PLPPR5: variants seen among roughly 807,000 people sequenced by gnomAD.
PLPPR5 encodes the protein phospholipid phosphatase related 5, also known as phospholipid phosphatase-related protein type 5.
In PLPPR5, 16 loss-of-function variants were observed where a neutral mutation model predicts 33.9. The ratio of observed to expected loss-of-function variants is 0.47; its 90% CI spans 0.32 to 0.72. The LOEUF (loss-of-function observed/expected upper bound fraction) is 0.72, where lower values mean the gene tolerates loss of function less well. Among genes scored for constraint, PLPPR5 ranks in the 30% least tolerant of loss-of-function variants. The pLI is 0.03. For missense variants in PLPPR5, 301 were observed against 406.7 expected, an observed-to-expected ratio of 0.74 and a Z score of 2.23; for synonymous variants, 163 against 150.3, an observed-to-expected ratio of 1.08 and a Z score of -0.62.
intron 1 of PLPPR5, among the ~76,000 whole-genome samples, chr1:98,988,946 C>T (rs1374024037): frequency 1.3e-5 from 2 of 152,122 alleles, no homozygotes; most frequent in Non-Finnish European, 2.9e-5. Flanking sequence ...ACTTTAGCAA[C>T]ATCCCTAACA....
chr1:98,906,392 T>C (rs758145943), intron 5 of PLPPR5, among the ~76,000 whole-genome samples: 2 of 152,058 alleles, frequency 1.3e-5, no homozygotes, highest in Non-Finnish European at 2.9e-5. Context: ...CCAGGTTCTA[T>C]GGATCTGCTC....
At chr1:98,956,383 G>A (rs1037315755) in intron 2 of PLPPR5, among the ~76,000 whole-genome samples, 1 of 152,024 alleles carries the variant, frequency 6.6e-6, no homozygotes, top group Non-Finnish European at 1.5e-5. Context: ...TAGGGGAACA[G>A]GTGGTGTTTG....
At chr1:98,946,962 G>A (rs1650579167) in intron 3 of PLPPR5, among the ~76,000 whole-genome samples, 1 of 151,904 alleles carries the variant, frequency 6.6e-6, no homozygotes, top group Non-Finnish European at 1.5e-5. Flanking sequence ...TATGGTGGAA[G>A]GGGCCCATGA....
chr1:98,967,596 CTGAA>C (rs1651495027), intron 1 of PLPPR5, among the ~76,000 whole-genome samples: 2 of 150,894 alleles, frequency 1.3e-5, no homozygotes, highest in African/African-American at 4.9e-5. Flanking sequence ...CTCTTATTAG[CTGAA>C]TGATCTTAAT....
intron 1 of PLPPR5, among the ~76,000 whole-genome samples, chr1:98,997,545 A>G (rs1033243247): frequency 5.3e-5 from 8 of 152,216 alleles, no homozygotes; most frequent in African/African-American, 9.6e-5. Flanking sequence ...GACAATACTC[A>G]GAGCTTATTG....
intron 5 of PLPPR5, among the ~76,000 whole-genome samples, chr1:98,912,699 A>AG (rs1373317014): frequency 1.3e-5 from 2 of 152,194 alleles, no homozygotes; most frequent in African/African-American, 4.8e-5. Flanking sequence ...AAAAGGAAGA[A>AG]GGTGAGAAGG....
At position 99,004,330 on chromosome 1, in the gene PLPPR5, A is replaced by G. The variant is rs943399295; in HGVS notation, c.237+105T>C. On this transcript the variant is annotated intron_variant, in intron 1 of 5. Transcript: ENST00000263177. ...GGCTGCCCATAACTTGGAGGAACTT[A>G]GAAGGCAAAACCTACTGCGCCCCAA... 6 of 987,296 alleles carry G rather than the reference A, an allele frequency of 6.1e-6. No individual in the cohort carries two copies. The African/African-American group carries it at 6.6e-5, about 11-fold the overall frequency. 61.2% of individuals were successfully genotyped at this position (987,296 alleles called of 1,614,324 possible). A position where few individuals can be genotyped will look rare whatever the true frequency, so the allele number is the denominator to read the frequency against.
At chr1:98,958,248 T>C (rs557054454) in intron 1 of PLPPR5, among the ~76,000 whole-genome samples, 6 of 152,372 alleles carry the variant, frequency 3.9e-5, no homozygotes, top group African/African-American at 1.4e-4. Context: ...GTAGTATCTA[T>C]GATTACAAGA....
intron 3 of PLPPR5, among the ~76,000 whole-genome samples, chr1:98,931,569 A>G (rs1390425142): frequency 6.6e-6 from 1 of 152,160 alleles, no homozygotes; most frequent in Non-Finnish European, 1.5e-5. Flanking sequence ...TTTCTCCCTC[A>G]GCCTTGGGGA....
chr1:98,897,020 A>G (rs1276430088), intron 5 of PLPPR5, among the ~76,000 whole-genome samples: 1 of 152,192 alleles, frequency 6.6e-6, no homozygotes, highest in Admixed American at 6.6e-5. Context: ...AAAACAAGTA[A>G]AATGCCATTA....
At chr1:98,918,520 C>T (rs1189976099) in intron 4 of PLPPR5, among the ~76,000 whole-genome samples, 1 of 152,054 alleles carries the variant, frequency 6.6e-6, no homozygotes, top group Non-Finnish European at 1.5e-5. Context: ...GGTGATTCTG[C>T]GCTCTAACCT....
intron 5 of PLPPR5, among the ~76,000 whole-genome samples, chr1:98,909,234 C>T: frequency 8.5e-6 from 1 of 117,474 alleles, no homozygotes; most frequent in South Asian, 3.8e-4. Context: ...CCTTCCCTTC[C>T]CTTTCCCTCC....
At chr1:98,980,846 A>G (rs1311309636) in intron 1 of PLPPR5, among the ~76,000 whole-genome samples, 3 of 152,098 alleles carry the variant, frequency 2.0e-5, no homozygotes, top group African/African-American at 7.2e-5. Flanking sequence ...TTTTAATTCT[A>G]TATTTCCAAC....
chr1:98,950,643 G>T (rs915535741), intron 3 of PLPPR5, among the ~76,000 whole-genome samples: 1 of 152,128 alleles, frequency 6.6e-6, no homozygotes, highest in Non-Finnish European at 1.5e-5. Flanking sequence ...GCAAACATTG[G>T]TTACACAGCA....
intron 1 of PLPPR5, among the ~76,000 whole-genome samples, chr1:98,979,441 T>C (rs1331360591): frequency 6.6e-6 from 1 of 152,120 alleles, no homozygotes; most frequent in Non-Finnish European, 1.5e-5. Flanking sequence ...ATAGAGCCTA[T>C]ACAAACGTAA....
intron 1 of PLPPR5, among the ~76,000 whole-genome samples, chr1:98,969,719 T>G (rs1651589542): frequency 6.8e-6 from 1 of 146,794 alleles, no homozygotes; most frequent in Non-Finnish European, 1.5e-5. Flanking sequence ...AAATTCTACC[T>G]CTTTTTCTCC....
chr1:98,936,844 C>T (rs759096028), intron 3 of PLPPR5, among the ~76,000 whole-genome samples: 2 of 152,162 alleles, frequency 1.3e-5, no homozygotes, highest in African/African-American at 4.8e-5. Context: ...AGGACAAGGG[C>T]AAGTCATCTA....
intron 1 of PLPPR5, among the ~76,000 whole-genome samples, chr1:98,964,692 A>G (rs1027968329): frequency 5.9e-5 from 9 of 152,198 alleles, no homozygotes; most frequent in African/African-American, 1.9e-4. Context: ...GGAAGCCCTC[A>G]AACAACCTCC....
intron 5 of PLPPR5, among the ~76,000 whole-genome samples, chr1:98,894,325 C>T (rs1424063491): frequency 3.3e-5 from 5 of 151,996 alleles, no homozygotes; most frequent in Admixed American, 3.3e-4. Flanking sequence ...CTTACAAAAG[C>T]TCAGGCATGA....
Sources: allele counts gnomAD v4.1 joint callset (sites outside exome capture counted in the v4.1 genomes callset), GRCh38; gene constraint gnomAD v4.1.1; transcripts MANE v1.5; gene names NCBI Gene and HGNC (gene_info 2026-07-23, HGNC 2026-07-21).